RHPN2: variants seen among roughly 807,000 people sequenced by gnomAD.
RHPN2 encodes rhophilin-2.
Under a neutral mutation model 79.0 loss-of-function variants are expected in RHPN2, and 40 were observed. The ratio of observed to expected loss-of-function variants is 0.51; its 90% CI spans 0.39 to 0.66. The LOEUF (loss-of-function observed/expected upper bound fraction) is 0.66. Ranked by LOEUF, RHPN2 falls within the 30% of genes least tolerant of loss-of-function variation. The pLI is 0.00. For missense variants in RHPN2, 686 were observed against 883.5 expected (o/e 0.78, Z 2.83); for synonymous variants, 285 against 363.5 (o/e 0.78, Z 2.46).
At chr19:32,999,234 G>T (rs1260482135) in intron 10 of RHPN2, among the ~76,000 whole-genome samples, 5 of 152,046 alleles carry the variant, frequency 3.3e-5, no homozygotes, top group South Asian at 2.1e-4. Context: ...CCAGGACACT[G>T]CATTACCAGT....
At chr19:33,064,755 T>TGGGGGCGCC in intron 1 of RHPN2, 29 bp downstream of exon 1, 1 of 1,427,946 alleles carries the variant, frequency 7.0e-7, no homozygotes, top group Non-Finnish European at 9.4e-7. Context: ...AGCCCGCAGG[T>TGGGGGCGCC]CCCCGCCCGC....
At chr19:33,045,404 C>T (rs1264392843) in intron 1 of RHPN2, among the ~76,000 whole-genome samples, 3 of 151,750 alleles carry the variant, frequency 2.0e-5, no homozygotes, top group South Asian at 2.1e-4. Flanking sequence ...ATATACCATA[C>T]GTTTTGCCCT....
At chr19:33,044,572 C>A (rs1972126974) in intron 1 of RHPN2, among the ~76,000 whole-genome samples, 1 of 152,178 alleles carries the variant, frequency 6.6e-6, no homozygotes, top group Non-Finnish European at 1.5e-5. Context: ...TCCTTCTCAT[C>A]TATTTTATTT....
At chr19:32,993,656 G>A (rs1971678308) in intron 12 of RHPN2, among the ~76,000 whole-genome samples, 1 of 152,124 alleles carries the variant, frequency 6.6e-6, no homozygotes, top group Admixed American at 6.6e-5. Flanking sequence ...AGGTGATTCA[G>A]TCTTGGGGTG....
chr19:33,000,857 T>C (rs1196948746), intron 9 of RHPN2, among the ~76,000 whole-genome samples: 1 of 152,122 alleles, frequency 6.6e-6, no homozygotes, highest in African/African-American at 2.4e-5. Context: ...TACCATGGAG[T>C]CCACCTGCTG....
intron 2 of RHPN2, among the ~76,000 whole-genome samples, chr19:33,043,794 C>T (rs1008271992): frequency 3.9e-5 from 6 of 152,256 alleles, no homozygotes; most frequent in African/African-American, 1.4e-4. Context: ...CGGGGGTGTA[C>T]TGAGCCCTCT....
intron 2 of RHPN2, among the ~76,000 whole-genome samples, chr19:33,033,798 C>A (rs1972031527): frequency 6.6e-6 from 1 of 151,800 alleles, no homozygotes; most frequent in South Asian, 2.1e-4. Flanking sequence ...ACCCGGGAGG[C>A]ACAGGTTGCG....
At chr19:33,013,196 C>CAAAAAA (rs1971850713) in intron 4 of RHPN2, among the ~76,000 whole-genome samples, 1 of 74,344 alleles carries the variant, frequency 1.3e-5, no homozygotes, top group Admixed American at 1.3e-4. Context: ...TTTAAAAAAA[C>CAAAAAA]AAAAACAAAA....
At chr19:33,027,003 T>A in intron 2 of RHPN2, 2 of 334,598 alleles carry the variant, frequency 6.0e-6, no homozygotes, top group South Asian at 4.9e-5. Context: ...ACGTCTGTAA[T>A]CCCAGCACTC....
At chr19:33,054,420 G>A (rs1188252557) in intron 1 of RHPN2, among the ~76,000 whole-genome samples, 2 of 151,762 alleles carry the variant, frequency 1.3e-5, no homozygotes, top group Non-Finnish European at 2.9e-5. Context: ...GGCTGGTCTC[G>A]AACTCCTGAC....
At chr19:33,036,878 G>C (rs10402158) in intron 2 of RHPN2, among the ~76,000 whole-genome samples, 57,186 of 146,982 alleles carry the variant, frequency 0.39, 15,369 homozygotes, top group African/African-American at 0.74. Context: ...GAGCCCCCCC[G>C]CCACCCTCTG....
At chr19:33,042,083 G>T (rs1329455736) in intron 2 of RHPN2, among the ~76,000 whole-genome samples, 1 of 152,046 alleles carries the variant, frequency 6.6e-6, no homozygotes, top group East Asian at 1.9e-4. Flanking sequence ...CAGCTATTTG[G>T]GAGGCTGAGG....
At chr19:32,983,977 G>A (rs970087486) in intron 14 of RHPN2, among the ~76,000 whole-genome samples, 4 of 152,086 alleles carry the variant, frequency 2.6e-5, no homozygotes, top group South Asian at 2.1e-4. Context: ...AATCCACCTG[G>A]GGTACCCCTC....
Position 33,006,519 on chromosome 19 carries a change from C to T in RHPN2, c.760+1495G>A, listed in dbSNP as rs138965873. ...AAGTGATATCAAACAATGATCCACA[C>T]GGGTGGAAGGGGATCACACCCCAAA... is the stretch of plus-strand genomic sequence containing the variant. On this transcript the variant is annotated intron_variant, in intron 7 of 14. Transcript: ENST00000254260. 1.5e-3 allele frequency among the ~76,000 whole-genome samples: 223 copies of T among 152,332 alleles called. 1 individual carries two copies. The highest frequency in any genetic ancestry group is 5.0e-3 in the African/African-American group (208 of 41,570).
At position 32,991,894 on chromosome 19, in the gene RHPN2, C is replaced by T. The variant is rs769469341; in HGVS notation, c.1573G>A (p.Asp525Asn). Residue 525 changes from aspartate to asparagine, a missense_variant, in exon 13 of 15, where the codon GAC becomes AAC. By Grantham distance (23) the Asp-to-Asn change is conservative (BLOSUM62 1). Coordinates refer to ENST00000254260, the MANE Select transcript of RHPN2 (RefSeq NM_033103.5). Reference protein sequence around the residue: ...RSIRFTAEEGDLGFTLRGNAP... With the variant: ...RSIRFTAEEGNLGFTLRGNAP... Reference sequence around the variant, plus strand: ...TTCCCTCTCAAGGTGAACCCCAAGTCCCCTTCTTCTGCAGTGAAGCGGATG... The same window carrying T: ...TTCCCTCTCAAGGTGAACCCCAAGTTCCCTTCTTCTGCAGTGAAGCGGATG... 11 of 1,613,858 alleles carry T rather than the reference C, an allele frequency of 6.8e-6. No homozygotes were observed. In the East Asian group the frequency reaches 2.5e-4, roughly 36 times the overall value.
At chr19:33,034,331 C>T (rs1293006647) in intron 2 of RHPN2, among the ~76,000 whole-genome samples, 1 of 151,058 alleles carries the variant, frequency 6.6e-6, no homozygotes, top group East Asian at 2.0e-4. Flanking sequence ...GTTGGCCGGG[C>T]GCGGTGGCTC....
At chr19:33,037,018 C>T (rs1311449132) in intron 2 of RHPN2, among the ~76,000 whole-genome samples, 1 of 152,252 alleles carries the variant, frequency 6.6e-6, no homozygotes, top group Non-Finnish European at 1.5e-5. Flanking sequence ...GGCAGCTCCA[C>T]CTGCGGCCCT....
chr19:33,005,506 A>G (rs1971783075), intron 7 of RHPN2, among the ~76,000 whole-genome samples: 1 of 151,612 alleles, frequency 6.6e-6, no homozygotes, highest in Non-Finnish European at 1.5e-5. Flanking sequence ...GTAGTTTAGA[A>G]AATTAACTGT....
chr19:33,024,215 C>T (rs1971948290), intron 3 of RHPN2, among the ~76,000 whole-genome samples: 1 of 151,904 alleles, frequency 6.6e-6, no homozygotes, highest in Non-Finnish European at 1.5e-5. Flanking sequence ...GGGTGGATCA[C>T]GAGGTCAGGA....
Sources: gnomAD v4.1 joint callset for allele counts (sites outside exome capture counted in the v4.1 genomes callset) on GRCh38, gnomAD v4.1.1 for gene constraint, MANE v1.5 for transcripts, NCBI Gene and HGNC (gene_info 2026-07-23, HGNC 2026-07-21) for gene names.